Variants in ART3 observed in about 807,000 individuals in gnomAD.
ART3 encodes the protein ADP-ribosyltransferase 3 (inactive), also known as ecto-ADP-ribosyltransferase 3.
A neutral mutation model predicts 48.5 loss-of-function variants in ART3; 49 were observed. That is an observed-to-expected ratio of 1.01 (90% confidence interval 0.80 to 1.28). ART3 has a LOEUF of 1.28. Among genes scored for constraint, ART3 ranks in the 50% most tolerant of loss-of-function variants. The pLI is 0.00. For synonymous variants in ART3, 145 were observed against 157.2 expected, an observed-to-expected ratio of 0.92 and a Z score of 0.58; for missense variants, 438 against 454.3, an observed-to-expected ratio of 0.96 and a Z score of 0.33.
chr4:76,105,144 G>T (rs1728183935), intron 10 of ART3, among the ~76,000 whole-genome samples: 2 of 152,140 alleles, frequency 1.3e-5, no homozygotes, highest in Admixed American at 1.3e-4. Flanking sequence ...TGAACCTCTA[G>T]TGACACTGAT....
intron 1 of ART3, among the ~76,000 whole-genome samples, chr4:76,012,504 G>C (rs918255386): frequency 1.3e-5 from 2 of 152,128 alleles, no homozygotes; most frequent in African/African-American, 4.8e-5. Flanking sequence ...TTACATGCAG[G>C]CAAATCCTAG....
At chr4:76,055,112 T>G (rs1278812110) in intron 1 of ART3, among the ~76,000 whole-genome samples, 1 of 152,208 alleles carries the variant, frequency 6.6e-6, no homozygotes, top group Admixed American at 6.5e-5. Flanking sequence ...ACATCCTGGT[T>G]TCACCTTTGA....
intron 1 of ART3, among the ~76,000 whole-genome samples, chr4:76,053,749 A>G (rs1325042160): frequency 6.6e-6 from 1 of 152,212 alleles, no homozygotes; most frequent in Non-Finnish European, 1.5e-5. Flanking sequence ...TGAATAGACT[A>G]ACCCTCTTTT....
chr4:76,041,263 T>C (rs1734947298), intron 1 of ART3: 1 of 152,236 alleles, frequency 6.6e-6, no homozygotes, highest in African/African-American at 2.4e-5. Context: ...TGACATCACA[T>C]GAGGAAGATT....
rs1488734107 is a variant in ART3 at position 76,038,942 on chromosome 4, T to G, written c.-10+27622T>G. Among the ~76,000 whole-genome samples the G allele has an allele frequency of 2.0e-5, 3 of 151,672 alleles. No individual in the cohort carries two copies. The East Asian group carries it at 5.8e-4, about 30-fold the overall frequency. On this transcript the variant is annotated intron_variant, in intron 1 of 9. Coordinates refer to the ART3 transcript ENST00000341029. ...TTAGCCATGTTGGCCAAGCTGGTCT[T>G]GAACTCCTAACCTCAGGTGATCCTG...
At chr4:76,100,607 G>C (rs564228375) in intron 6 of ART3, among the ~76,000 whole-genome samples, 188 bp from the exon 7 acceptor site, 2 of 131,270 alleles carry the variant, frequency 1.5e-5, no homozygotes, top group East Asian at 4.9e-4. Flanking sequence ...CTGTAGCCTG[G>C]AAACAGAGCG....
chr4:76,086,959 A>G (rs1272740726), intron 3 of ART3, among the ~76,000 whole-genome samples: 1 of 152,130 alleles, frequency 6.6e-6, no homozygotes, highest in East Asian at 1.9e-4. Context: ...CCCTACACCA[A>G]TCTTGTGAAA....
intron 10 of ART3, chr4:76,106,109 A>G (rs1397400572): frequency 1.0e-6 from 1 of 985,230 alleles, no homozygotes; most frequent in East Asian, 1.1e-4. Flanking sequence ...CACTTCAGAG[A>G]TGAGAACATG....
intron 1 of ART3, among the ~76,000 whole-genome samples, chr4:76,062,839 T>C (rs6816425): frequency 0.46 from 69,792 of 151,836 alleles, 16,784 homozygotes; most frequent in African/African-American, 0.57. Context: ...GGATTACAAG[T>C]GTGAGCCACC....
At position 76,022,877 on chromosome 4, in the gene ART3, G is replaced by A; in HGVS notation, c.-10+11557G>A. On this transcript the variant is annotated intron_variant, in intron 1 of 9. Transcript: ENST00000341029. ...ACAGTGTTCATTTTAGGCATTTAAT[G>A]TAGACTGGTGGTATTTAGCAGAACC... is the stretch of plus-strand genomic sequence containing the variant. 4 of 1,551,760 alleles carry A rather than the reference G, an allele frequency of 2.6e-6. No homozygotes were observed. The East Asian group carries it at 9.0e-5, about 35-fold the overall frequency.
intron 1 of ART3, among the ~76,000 whole-genome samples, chr4:76,064,894 A>G (rs1215447432): frequency 1.3e-5 from 2 of 151,704 alleles, no homozygotes; most frequent in African/African-American, 4.8e-5. Flanking sequence ...TGCGGTGGCA[A>G]GATCATGGGT....
At chr4:76,078,527 G>A (rs1721640708) in intron 2 of ART3, among the ~76,000 whole-genome samples, 1 of 152,130 alleles carries the variant, frequency 6.6e-6, no homozygotes, top group Non-Finnish European at 1.5e-5. Context: ...CCCATGTCAG[G>A]AAACTGACCT....
chr4:76,081,254 T>C (rs1722402025), intron 2 of ART3, among the ~76,000 whole-genome samples: 1 of 152,180 alleles, frequency 6.6e-6, no homozygotes, highest in Admixed American at 6.5e-5. Flanking sequence ...AGCTTACAGC[T>C]TTAGAGGAAG....
chr4:76,076,195 G>A (rs1190791397), intron 2 of ART3, among the ~76,000 whole-genome samples: 2 of 151,940 alleles, frequency 1.3e-5, no homozygotes, highest in African/African-American at 2.4e-5. Flanking sequence ...TGGTAGAGAC[G>A]GGTTTTCACC....
chr4:76,038,998 C>T (rs929136161), intron 1 of ART3, among the ~76,000 whole-genome samples: 1 of 152,162 alleles, frequency 6.6e-6, no homozygotes, highest in Non-Finnish European at 1.5e-5. Flanking sequence ...GCTGGGATTA[C>T]AGGCGTGAGC....
chr4:76,069,235 T>C (rs1262076696), intron 1 of ART3, among the ~76,000 whole-genome samples: 2 of 141,340 alleles, frequency 1.4e-5, no homozygotes, highest in Non-Finnish European at 3.0e-5. Context: ...TGAAATGTTT[T>C]CATTACTCTA....
chr4:76,109,472 C>T (rs1024726335), intron 11 of ART3, among the ~76,000 whole-genome samples: 3 of 151,924 alleles, frequency 2.0e-5, no homozygotes, highest in Non-Finnish European at 2.9e-5. Flanking sequence ...TTATAGTTAA[C>T]GTTTTTTAAT....
At position 76,104,560 on chromosome 4, in the gene ART3, C is replaced by A. The variant is rs540237175; in HGVS notation, c.971-37C>A. The A allele has an allele frequency of 1.7e-5, 27 of 1,551,428 alleles. No individual in the cohort carries two copies. In the African/African-American group the frequency reaches 3.1e-4, roughly 18 times the overall value. On this transcript the variant is annotated intron_variant, in intron 9 of 11. Transcript: ENST00000355810. ...AGTTTGAAAATTATACTCAGTGGAG[C>A]AAACTGTAAGTCATTGGAAACTTCC... is the stretch of plus-strand genomic sequence containing the variant.
chr4:76,055,163 G>T (rs1718563518), intron 1 of ART3, among the ~76,000 whole-genome samples: 1 of 152,280 alleles, frequency 6.6e-6, no homozygotes, highest in Non-Finnish European at 1.5e-5. Context: ...TTACTTCCCT[G>T]TTCTTACTTT....
Sources: allele counts gnomAD v4.1 joint callset (sites outside exome capture counted in the v4.1 genomes callset), GRCh38; gene constraint gnomAD v4.1.1; transcripts MANE v1.5; gene names NCBI Gene and HGNC (gene_info 2026-07-23, HGNC 2026-07-21).